Variants in KCTD20 observed in about 807,000 individuals in gnomAD.
KCTD20 encodes BTB/POZ domain-containing protein KCTD20.
In KCTD20, 30 loss-of-function variants were observed where a neutral mutation model predicts 39.6. The observed-to-expected ratio is 0.76, with a 90% CI of 0.57 to 1.03. KCTD20 has a LOEUF of 1.03. KCTD20 is among the 50% of genes least tolerant of loss of function. The pLI is 0.00. For missense variants in KCTD20, 422 were observed against 522.0 expected (o/e 0.81, Z 1.87); for synonymous variants, 162 against 180.6 (o/e 0.90, Z 0.83).
At chr6:36,463,865 G>C (rs1418869105) in intron 1 of KCTD20, among the ~76,000 whole-genome samples, 1 of 152,120 alleles carries the variant, frequency 6.6e-6, no homozygotes, top group East Asian at 1.9e-4. Flanking sequence ...TATCTGTAGG[G>C]AATAAATAGG....
chr6:36,473,339 G>A (rs1325676850), intron 2 of KCTD20, among the ~76,000 whole-genome samples: 1 of 152,036 alleles, frequency 6.6e-6, no homozygotes, highest in Non-Finnish European at 1.5e-5. Context: ...TGGGACTACA[G>A]GCGTGAGCCA....
At chr6:36,473,358 G>A (rs536151324) in intron 2 of KCTD20, among the ~76,000 whole-genome samples, 3 of 151,708 alleles carry the variant, frequency 2.0e-5, no homozygotes, top group South Asian at 4.2e-4. Context: ...CACCGCACCC[G>A]GCCTATTTTT....
At chr6:36,450,591 G>A (rs1437644695) in intron 1 of KCTD20, among the ~76,000 whole-genome samples, 1 of 151,968 alleles carries the variant, frequency 6.6e-6, no homozygotes, top group Non-Finnish European at 1.5e-5. Context: ...TTTTTCACGT[G>A]ACTGGCTTTA....
At position 36,487,201 on chromosome 6, in the gene KCTD20, T is replaced by A; in HGVS notation, c.*26T>A. 6.3e-7 allele frequency: 1 copy of A among 1,592,268 alleles called. No individual in the cohort carries two copies. Among genetic ancestry groups the A allele is most frequent in the South Asian group, 1.1e-5 (1 of 87,516 alleles). On this transcript the variant is annotated 3_prime_UTR_variant, in exon 8 of 8. Coordinates refer to ENST00000373731, the MANE Select transcript of KCTD20 (RefSeq NM_173562.5). ...GGCCAGCTGTGGGTCTACTCCTTGTTGGAGCCCATCTCACCTGGGATGCCT... is the reference window on the plus strand; with the variant it reads ...GGCCAGCTGTGGGTCTACTCCTTGTAGGAGCCCATCTCACCTGGGATGCCT...
rs139299899 is a variant in KCTD20, at chr6:36,459,616, G to A, written c.-46-10436G>A. Among the ~76,000 whole-genome samples, 28 of 152,334 alleles carry A rather than the reference G, an allele frequency of 1.8e-4. No homozygotes were observed. In the East Asian group the frequency reaches 5.0e-3, roughly 27 times the overall value. Reference sequence around the variant, plus strand: ...GCAATTGGTGCTGGTCCTTGAACTAGATGACCTTTACACTGTTTTCTGACA... The same window carrying A: ...GCAATTGGTGCTGGTCCTTGAACTAAATGACCTTTACACTGTTTTCTGACA... On this transcript the variant is annotated intron_variant, in intron 1 of 7. Transcript: ENST00000373731.
At chr6:36,461,897 G>A (rs1775613265) in intron 1 of KCTD20, among the ~76,000 whole-genome samples, 1 of 152,100 alleles carries the variant, frequency 6.6e-6, no homozygotes, top group South Asian at 2.1e-4. Context: ...AAAGGGAAGT[G>A]GAATCAGAGG....
At chr6:36,455,456 G>T (rs1195708686) in intron 1 of KCTD20, among the ~76,000 whole-genome samples, 1 of 152,216 alleles carries the variant, frequency 6.6e-6, no homozygotes, top group Non-Finnish European at 1.5e-5. Flanking sequence ...TTTAGCTGCT[G>T]CTTTCTACTT....
In KCTD20 at chr6:36,474,690, GTTTT is replaced by G. The variant is rs1353911237; in HGVS notation, c.161-96_161-93del. 3.6e-5 allele frequency: 42 copies of G among 1,171,024 alleles called. No homozygotes were observed. The East Asian group carries it at 3.9e-4, about 11-fold the overall frequency. 72.5% of individuals were successfully genotyped at this position (1,171,024 alleles called of 1,614,324 possible). A position where few individuals can be genotyped will look rare whatever the true frequency, so the allele number is the denominator to read the frequency against. ...GCCTGTGAACATCTAAAATTTGGGG[GTTTT>G]TTGTTTGTTTACTTGTTTTAAAGAA... On this transcript the variant is annotated intron_variant, in intron 2 of 7. Transcript: ENST00000373731.
chr6:36,451,228 A>C (rs1582303441), intron 1 of KCTD20: 1 of 152,092 alleles, frequency 6.6e-6, no homozygotes, highest in South Asian at 2.1e-4. Context: ...TTTTTAAGAA[A>C]CCATTCCAAT....
intron 1 of KCTD20, among the ~76,000 whole-genome samples, chr6:36,448,015 G>GTATATATATATATATATATA (rs70975158): frequency 1.9e-4 from 25 of 128,940 alleles, no homozygotes; most frequent in African/African-American, 7.9e-4. Context: ...ATGTGTGTGT[G>GTATATATATATATATATATA]TATATATATA....
intron 1 of KCTD20, among the ~76,000 whole-genome samples, chr6:36,449,412 T>G (rs1449604869): frequency 1.1e-4 from 16 of 151,664 alleles, no homozygotes; most frequent in Admixed American, 1.1e-3. Context: ...AGAGCGCTGA[T>G]TCATGCGTTT....
chr6:36,450,163 TAAA>T (rs576681021), intron 1 of KCTD20, among the ~76,000 whole-genome samples: 1,481 of 105,622 alleles, frequency 0.014, 33 homozygotes, highest in African/African-American at 0.056. Context: ...GACTCCGTCC[TAAA>T]AAAAAAAAAA....
chr6:36,490,081 T>TA lies in KCTD20; in HGVS notation c.*2907dup, dbSNP rs1281979917. 8.5e-5 allele frequency: 13 copies of TA among 152,174 alleles called. No homozygotes were observed. The highest frequency in any genetic ancestry group is 3.1e-4 in the African/African-American group (13 of 41,440). 9.4% of individuals were successfully genotyped at this position (152,174 alleles called of 1,614,324 possible). A position where few individuals can be genotyped will look rare whatever the true frequency, so the allele number is the denominator to read the frequency against. ...TCTAATATATACAGGTCTATGAAAA[T>TA]ACTGTGGAATAAGCCCAGGAAGGTT... On this transcript the variant is annotated 3_prime_UTR_variant, in exon 8 of 8. Coordinates refer to ENST00000373731, the MANE Select transcript of KCTD20 (RefSeq NM_173562.5).
chr6:36,476,482 G>T (rs369639939), intron 3 of KCTD20, among the ~76,000 whole-genome samples: 46 of 150,858 alleles, frequency 3.0e-4, no homozygotes, highest in East Asian at 1.6e-3. Context: ...AAGGCTGGAG[G>T]GCAGTGGTGC....
intron 1 of KCTD20, among the ~76,000 whole-genome samples, chr6:36,448,862 G>A (rs1188681081): frequency 6.6e-6 from 1 of 152,176 alleles, no homozygotes; most frequent in African/African-American, 2.4e-5. Context: ...CTTCCTTCCA[G>A]TGGGTTCGTG....
chr6:36,462,518 A>G (rs142337663), intron 1 of KCTD20, among the ~76,000 whole-genome samples: 49 of 152,330 alleles, frequency 3.2e-4, no homozygotes, highest in African/African-American at 1.2e-3. Flanking sequence ...TCCAGACCCA[A>G]CTAAAGACTT....
At chr6:36,486,021 C>T (rs1183496256) in intron 7 of KCTD20, among the ~76,000 whole-genome samples, 1 of 152,092 alleles carries the variant, frequency 6.6e-6, no homozygotes, top group Non-Finnish European at 1.5e-5. Flanking sequence ...CCTCCTGCCT[C>T]AGCCTTCCAA....
intron 1 of KCTD20, among the ~76,000 whole-genome samples, chr6:36,467,660 A>G (rs1418907477): frequency 1.3e-5 from 2 of 151,968 alleles, no homozygotes; most frequent in Non-Finnish European, 2.9e-5. Context: ...GAAAAAAGAA[A>G]TTCTGAAGCC....
Position 36,453,790 on chromosome 6 carries a change from A to G in KCTD20, c.-47+10679A>G, listed in dbSNP as rs1054340602. On this transcript the variant is annotated intron_variant, in intron 1 of 7. Coordinates refer to ENST00000373731, the MANE Select transcript of KCTD20 (RefSeq NM_173562.5). ...CTCCCAAAGTGCTGGGATTACAGAT[A>G]TGAGCCACTGTGCCCGGCCTCTAAT... Among the ~76,000 whole-genome samples, 5 of 152,240 alleles carry G rather than the reference A, an allele frequency of 3.3e-5. No individual in the cohort carries two copies. In the South Asian group the frequency reaches 8.3e-4, roughly 25 times the overall value.
Sources: gnomAD v4.1 joint callset for allele counts (sites outside exome capture counted in the v4.1 genomes callset) on GRCh38, gnomAD v4.1.1 for gene constraint, MANE v1.5 for transcripts, NCBI Gene and HGNC (gene_info 2026-07-23, HGNC 2026-07-21) for gene names.